Variants in CSMD1 observed in about 807,000 individuals in gnomAD.
CSMD1 encodes CUB and Sushi multiple domains 1, also known as CUB and sushi domain-containing protein 1.
CSMD1 carries 213 observed loss-of-function variants against 417.5 expected under a neutral mutation model. The observed-to-expected ratio is 0.51, with a 90% CI of 0.46 to 0.57. The LOEUF is 0.57. Ranked by LOEUF, CSMD1 falls within the 20% of genes least tolerant of loss-of-function variation. The pLI, the probability that CSMD1 is intolerant of heterozygous loss-of-function variation, is 0.00. For missense variants in CSMD1, 6,923 were observed against 4,529.7 expected (o/e 1.53, Z -15.17); for synonymous variants, 2,862 against 1,736.8 (o/e 1.65, Z -16.11).
At chr8:3,432,783 G>C (rs991685285) in intron 12 of CSMD1, among the ~76,000 whole-genome samples, 1 of 151,982 alleles carries the variant, frequency 6.6e-6, no homozygotes, top group Non-Finnish European at 1.5e-5. Context: ...CAAAGTCCTG[G>C]GATTACAGGC....
At chr8:4,133,577 C>T (rs914758503) in intron 3 of CSMD1, among the ~76,000 whole-genome samples, 3 of 152,174 alleles carry the variant, frequency 2.0e-5, no homozygotes, top group Non-Finnish European at 4.4e-5. Context: ...CGTGCATTAA[C>T]GCCGATATGT....
At chr8:3,962,608 G>T (rs944918938) in intron 5 of CSMD1, among the ~76,000 whole-genome samples, 1 of 152,162 alleles carries the variant, frequency 6.6e-6, no homozygotes. Flanking sequence ...AAGAGGAAAG[G>T]AGAGGATCAT....
rs186522571 is a variant in CSMD1 at position 3,491,834 on chromosome 8, C to A, written c.1448+1789G>T. The stretch of plus-strand genomic sequence containing the variant: ...AAATGAAGAGTGTTAGGGAAACCAG[C>A]CCCACACCACCCGGCGGGTACCCCG... On this transcript the variant is annotated intron_variant, in intron 11 of 69. Coordinates refer to ENST00000635120, the MANE Select transcript of CSMD1 (RefSeq NM_033225.6). Among the ~76,000 whole-genome samples, 825 of 152,278 alleles carry A rather than the reference C, an allele frequency of 5.4e-3. 3 individuals carry two copies. The highest frequency in any genetic ancestry group is 9.5e-3 in the Non-Finnish European group (647 of 68,030).
chr8:4,788,064 G>A, intron 1 of CSMD1: 2 of 1,596,486 alleles, frequency 1.3e-6, no homozygotes, highest in South Asian at 1.1e-5. Flanking sequence ...CTTTGAGTGG[G>A]TTGCAGAGAA....
At chr8:4,174,424 T>C (rs1411429792) in intron 3 of CSMD1, among the ~76,000 whole-genome samples, 2 of 152,016 alleles carry the variant, frequency 1.3e-5, no homozygotes, top group African/African-American at 2.4e-5. Flanking sequence ...CTTCACCGTG[T>C]ATGTAATCTC....
At chr8:3,359,714 A>T (rs2117711907) in intron 20 of CSMD1, among the ~76,000 whole-genome samples, 1 of 152,280 alleles carries the variant, frequency 6.6e-6, no homozygotes, top group South Asian at 2.1e-4. Context: ...GTAATAATAC[A>T]GTGTACATTT....
At chr8:4,402,814 T>C (rs1804736201) in intron 3 of CSMD1, among the ~76,000 whole-genome samples, 8 of 59,406 alleles carry the variant, frequency 1.3e-4, no homozygotes, top group Admixed American at 2.1e-4. Context: ...TTTTTTTTTT[T>C]TTTTTTCTTT....
intron 26 of CSMD1, chr8:3,278,720 T>C (rs1802500593): frequency 2.0e-5 from 3 of 152,040 alleles, no homozygotes; most frequent in African/African-American, 7.2e-5. Flanking sequence ...CCACCCATCC[T>C]CCCACCTACA....
chr8:4,121,450 G>A (rs933739868), intron 3 of CSMD1, among the ~76,000 whole-genome samples: 3 of 152,046 alleles, frequency 2.0e-5, no homozygotes, highest in African/African-American at 4.8e-5. Flanking sequence ...CACCGGTCAA[G>A]GGCTTCTTTG....
intron 1 of CSMD1, among the ~76,000 whole-genome samples, chr8:4,652,903 T>C (rs1176196400): frequency 6.6e-6 from 1 of 151,392 alleles, no homozygotes; most frequent in Non-Finnish European, 1.5e-5. Flanking sequence ...ACGCCGCTGC[T>C]GATGTGGTGG....
At chr8:3,951,243 C>T (rs775553751) in intron 5 of CSMD1, among the ~76,000 whole-genome samples, 3 of 152,266 alleles carry the variant, frequency 2.0e-5, no homozygotes, top group East Asian at 3.9e-4. Context: ...ACGGGTCTGA[C>T]GGTGACTGAG....
intron 3 of CSMD1, among the ~76,000 whole-genome samples, chr8:4,037,444 A>G (rs1286162848): frequency 6.6e-6 from 1 of 152,222 alleles, no homozygotes; most frequent in African/African-American, 2.4e-5. Context: ...GGGGCATCTT[A>G]GACCATTTCA....
At chr8:4,152,080 C>A (rs1796598382) in intron 3 of CSMD1, among the ~76,000 whole-genome samples, 1 of 152,036 alleles carries the variant, frequency 6.6e-6, no homozygotes, top group African/African-American at 2.4e-5. Context: ...TAAGAACTTT[C>A]CCAAAGTCCA....
intron 7 of CSMD1, among the ~76,000 whole-genome samples, chr8:3,627,570 T>C (rs1796557947): frequency 6.6e-6 from 1 of 152,176 alleles, no homozygotes; most frequent in Admixed American, 6.5e-5. Flanking sequence ...TATCTGTAAA[T>C]GTGGAAAAGG....
chr8:3,535,849 G>A (rs1351173765), intron 10 of CSMD1, among the ~76,000 whole-genome samples: 1 of 152,124 alleles, frequency 6.6e-6, no homozygotes, highest in Non-Finnish European at 1.5e-5. Context: ...TATGAAGTGT[G>A]GTATTTGGCC....
chr8:3,471,273 T>C (rs1817080045), intron 11 of CSMD1, among the ~76,000 whole-genome samples: 1 of 152,154 alleles, frequency 6.6e-6, no homozygotes, highest in Non-Finnish European at 1.5e-5. Flanking sequence ...CATTTATACG[T>C]CTTCTTGAAT....
At chr8:4,828,699 C>T (rs1319517570) in intron 1 of CSMD1, among the ~76,000 whole-genome samples, 1 of 152,104 alleles carries the variant, frequency 6.6e-6, no homozygotes, top group African/African-American at 2.4e-5. Context: ...AAAAGTCAAC[C>T]TGGCATGACT....
At position 3,936,678 on chromosome 8, in the gene CSMD1, G is replaced by C. The variant is rs112072657; in HGVS notation, c.818+61225C>G. Among the ~76,000 whole-genome samples, 735 of 152,226 alleles carry C rather than the reference G, an allele frequency of 4.8e-3. 2 individuals carry two copies. Among genetic ancestry groups the C allele is most frequent in the Non-Finnish European group, 8.4e-3 (569 of 68,008 alleles). ...ATTGCTGCTCTTTAACAATGTACCT[G>C]GTCACACAAGAGCTCTGACAGAGAT... On this transcript the variant is annotated intron_variant, in intron 5 of 69. Transcript: ENST00000635120.
intron 25 of CSMD1, among the ~76,000 whole-genome samples, chr8:3,298,223 C>G (rs904997142): frequency 6.6e-6 from 1 of 152,166 alleles, no homozygotes; most frequent in Non-Finnish European, 1.5e-5. Context: ...CCAGCAATTC[C>G]TGGCCTCAGT....
Sources: gnomAD v4.1 joint callset for allele counts (sites outside exome capture counted in the v4.1 genomes callset) on GRCh38, gnomAD v4.1.1 for gene constraint, MANE v1.5 for transcripts, NCBI Gene and HGNC (gene_info 2026-07-23, HGNC 2026-07-21) for gene names.